The following MAEL variants were observed in gnomAD, a reference collection of about 807,000 sequenced individuals.
MAEL encodes the protein protein maelstrom homolog.
A neutral mutation model predicts 62.0 loss-of-function variants in MAEL; 46 were observed. The ratio of observed to expected loss-of-function variants is 0.74; its 90% CI spans 0.59 to 0.95. MAEL has a LOEUF of 0.95. Among genes scored for constraint, MAEL ranks in the 40% least tolerant of loss-of-function variants. The probability of loss-of-function intolerance (pLI) is 0.00; values close to 1 mark genes in which losing one functional copy is unlikely to be tolerated. For synonymous variants in MAEL, 172 were observed against 175.5 expected, an observed-to-expected ratio of 0.98 and a Z score of 0.16; for missense variants, 497 against 526.8, an observed-to-expected ratio of 0.94 and a Z score of 0.55.
intron 5 of MAEL, among the ~76,000 whole-genome samples, chr1:167,002,082 A>G (rs1188492014): frequency 6.6e-6 from 1 of 152,204 alleles, no homozygotes; most frequent in Non-Finnish European, 1.5e-5. Flanking sequence ...TGCCGGCCTC[A>G]TGTGGTACTT....
At chr1:167,015,081 C>T (rs992794492) in intron 8 of MAEL, among the ~76,000 whole-genome samples, 11 of 152,168 alleles carry the variant, frequency 7.2e-5, no homozygotes, top group South Asian at 4.1e-4. Context: ...ACTCCCAATC[C>T]AGAAGAATGA....
Position 166,989,727 on chromosome 1 carries a change from TC to T in MAEL, c.133-6del. The T allele has an allele frequency of 1.2e-6, 2 of 1,612,148 alleles. No individual in the cohort carries two copies. Among genetic ancestry groups the T allele is most frequent in the Non-Finnish European group, 1.7e-6 (2 of 1,179,286 alleles). ...CTGTTTCTCTTCTTTGCTCCTTCAA[TC>T]CCCAAAAGCTTCTGAGGGAGGAAGA... is the stretch of plus-strand genomic sequence containing the variant. On this transcript the variant is annotated splice_polypyrimidine_tract_variant and intron_variant, in intron 1 of 11. Coordinates refer to ENST00000367872, the MANE Select transcript of MAEL (RefSeq NM_032858.3).
intron 5 of MAEL, among the ~76,000 whole-genome samples, chr1:167,001,165 G>A (rs926162669): frequency 2.6e-5 from 4 of 152,166 alleles, no homozygotes; most frequent in African/African-American, 9.7e-5. Flanking sequence ...CTCAGGAATG[G>A]AAAACCAAAC....
At position 166,997,786 on chromosome 1, in the gene MAEL, C is replaced by T. The variant is rs192576032; in HGVS notation, c.523+3717C>T. On this transcript the variant is annotated intron_variant, in intron 5 of 11. Coordinates refer to ENST00000367872, the MANE Select transcript of MAEL (RefSeq NM_032858.3). Reference sequence around the variant, plus strand: ...TGTGTCTTATTCAAGAATTCTTTACCCCAAGGTTGTGAAAATAATCTCTAT... The same window carrying T: ...TGTGTCTTATTCAAGAATTCTTTACTCCAAGGTTGTGAAAATAATCTCTAT... Among the ~76,000 whole-genome samples the T allele has an allele frequency of 2.3e-3, 346 of 152,072 alleles. 4 individuals carry two copies. The highest frequency in any genetic ancestry group is 8.0e-3 in the African/African-American group (330 of 41,440).
In MAEL at chr1:167,021,222, C is replaced by A. The variant is rs116346817; in HGVS notation, c.1117+62C>A. 2.1e-3 allele frequency: 2,363 copies of A among 1,140,816 alleles called. 40 individuals are homozygous for A. In the African/African-American group the frequency reaches 0.033, roughly 16 times the overall value. 70.7% of individuals were successfully genotyped at this position (1,140,816 alleles called of 1,614,324 possible). A position where few individuals can be genotyped will look rare whatever the true frequency, so the allele number is the denominator to read the frequency against. ...GATGTTAGAGCCTATTACTAAGATCCCAGGTGTGGTATTTAAACAGTGATA... is the reference window on the plus strand; with the variant it reads ...GATGTTAGAGCCTATTACTAAGATCACAGGTGTGGTATTTAAACAGTGATA... On this transcript the variant is annotated intron_variant, in intron 11 of 11. Coordinates refer to ENST00000367872, the MANE Select transcript of MAEL (RefSeq NM_032858.3).
chr1:166,986,742 A>G (rs907492807), upstream of MAEL, among the ~76,000 whole-genome samples: 2 of 152,234 alleles, frequency 1.3e-5, no homozygotes, highest in Non-Finnish European at 2.9e-5. Context: ...GAAACTAAAA[A>G]AAGAAACATA....
intron 3 of MAEL, among the ~76,000 whole-genome samples, chr1:166,992,083 A>G (rs1664199227): frequency 1.3e-5 from 2 of 152,204 alleles, no homozygotes; most frequent in Middle Eastern, 3.2e-3. Flanking sequence ...AGAAGAGAAC[A>G]TAGTTAATAA....
At chr1:166,989,556 A>G in intron 1 of MAEL, 72 bp downstream of exon 1, 2 of 1,544,008 alleles carry the variant, frequency 1.3e-6, no homozygotes, top group Non-Finnish European at 1.8e-6. Flanking sequence ...GGGAGGGCAG[A>G]AGGCCTCGAG....
intron 6 of MAEL, 39 bp downstream of exon 6, chr1:167,004,343 T>C: frequency 6.5e-7 from 1 of 1,538,918 alleles, no homozygotes; most frequent in Non-Finnish European, 8.7e-7. Flanking sequence ...GGTATCAATT[T>C]ATAGTACCAA....
At chr1:166,997,324 G>A (rs547421495) in intron 5 of MAEL, among the ~76,000 whole-genome samples, 5 of 152,326 alleles carry the variant, frequency 3.3e-5, no homozygotes, top group Non-Finnish European at 5.9e-5. Flanking sequence ...TTGTACAAGC[G>A]TGATATATAT....
rs75672192 is a variant in MAEL at position 166,981,727 on chromosome 1, T to A, written c.-121+6061T>A. On this transcript the variant is annotated intron_variant, in intron 1 of 12. Transcript: ENST00000622874. Reference sequence around the variant, plus strand: ...GGAGGTAGTACAGATGCACAAGCAATAGGCAGAGGTGAGAATAGGAACTGC... The same window carrying A: ...GGAGGTAGTACAGATGCACAAGCAAAAGGCAGAGGTGAGAATAGGAACTGC... Among the ~76,000 whole-genome samples the A allele has an allele frequency of 6.4e-3, 976 of 152,154 alleles. 9 individuals are homozygous for A. The highest frequency in any genetic ancestry group is 0.022 in the African/African-American group (933 of 41,508).
Position 167,005,343 on chromosome 1 carries a change from C to G in MAEL, c.791C>G (p.Thr264Ser). Residue 264 changes from threonine (T) to serine (S), a missense_variant, in exon 8 of 12, where the codon ACT becomes AGT. Physicochemically the swap from Thr to Ser is moderately conservative, Grantham distance 58. Coordinates refer to ENST00000367872, the MANE Select transcript of MAEL (RefSeq NM_032858.3). ...QQKFLKEPSK[T>S]WIRSLLDVAM... ...AAATTTCTCAAGGAGCCCTCTAAGA[C>G]TTGGATTCGAAGCCTCCTAGATGTG... 1 of 1,613,690 alleles carries G rather than the reference C, an allele frequency of 6.2e-7. No individual in the cohort carries two copies.
At chr1:166,993,392 A>G (rs1283678576) in intron 4 of MAEL, among the ~76,000 whole-genome samples, 1 of 152,208 alleles carries the variant, frequency 6.6e-6, no homozygotes, top group East Asian at 1.9e-4. Flanking sequence ...ATCCCATTAA[A>G]AAGCAAGGTA....
chr1:166,985,277 TAG>T (rs1416155327), upstream of MAEL, among the ~76,000 whole-genome samples: 2 of 151,928 alleles, frequency 1.3e-5, no homozygotes, highest in African/African-American at 4.8e-5. Context: ...CCACAGTGGA[TAG>T]AGTTTGCAGG....
chr1:166,993,763 CT>C (rs919888671), intron 4 of MAEL, among the ~76,000 whole-genome samples: 1 of 152,172 alleles, frequency 6.6e-6, no homozygotes, highest in Non-Finnish European at 1.5e-5. Context: ...AGCTAAGACT[CT>C]TTTGACACAT....
At chr1:167,006,607 A>ATATATG (rs1664911027) in intron 8 of MAEL, among the ~76,000 whole-genome samples, 1 of 63,110 alleles carries the variant, frequency 1.6e-5, no homozygotes, top group Non-Finnish European at 2.9e-5. Context: ...TTTACTATAT[A>ATATATG]TATATATATA....
chr1:167,013,572 T>C (rs532296134), intron 8 of MAEL, among the ~76,000 whole-genome samples: 27 of 152,344 alleles, frequency 1.8e-4, no homozygotes, highest in African/African-American at 6.0e-4. Context: ...ATCTTCTATA[T>C]CCTGTTAGGG....
intron 5 of MAEL, among the ~76,000 whole-genome samples, chr1:166,998,750 A>C (rs1016777436): frequency 1.3e-5 from 2 of 151,872 alleles, no homozygotes; most frequent in Non-Finnish European, 2.9e-5. Flanking sequence ...ATTTTTTTAC[A>C]CATTGAGGTT....
intron 1 of MAEL, among the ~76,000 whole-genome samples, chr1:166,984,085 G>A (rs1663844499): frequency 6.6e-6 from 1 of 151,684 alleles, no homozygotes; most frequent in Non-Finnish European, 1.5e-5. Context: ...GACCCTCCTT[G>A]GCATTAGCAC....
Sources: allele counts gnomAD v4.1 joint callset (sites outside exome capture counted in the v4.1 genomes callset), GRCh38; gene constraint gnomAD v4.1.1; transcripts MANE v1.5; gene names NCBI Gene and HGNC (gene_info 2026-07-23, HGNC 2026-07-21).